IL4R: variants seen among roughly 807,000 people sequenced by gnomAD.
IL4R encodes interleukin-4 receptor subunit alpha.
Under a neutral mutation model 41.5 loss-of-function variants are expected in IL4R, and 17 were observed. The ratio of observed to expected loss-of-function variants is 0.41; its 90% CI spans 0.28 to 0.61. The LOEUF (loss-of-function observed/expected upper bound fraction) is 0.61, where lower values mean the gene tolerates loss of function less well. IL4R is among the 20% of genes least tolerant of loss of function. IL4R has a pLI of 0.31. For synonymous variants in IL4R, 402 were observed against 422.9 expected (o/e 0.95, Z 0.61); for missense variants, 974 against 1,043.1 (o/e 0.93, Z 0.91).
chr16:27,314,152 G>A, intron 1 of IL4R, 132 bp downstream of exon 1: 1 of 902,976 alleles, frequency 1.1e-6, no homozygotes, highest in Non-Finnish European at 1.3e-6. Flanking sequence ...CGGGGCCCGA[G>A]CCCGCGACTC....
chr16:27,319,465 GC>G (rs1286748707), intron 1 of IL4R, among the ~76,000 whole-genome samples: 5 of 152,150 alleles, frequency 3.3e-5, no homozygotes, highest in African/African-American at 1.2e-4. Flanking sequence ...TAAAATCTAT[GC>G]CTGAGTGCTG....
chr16:27,330,396 A>AG (rs925660476), intron 2 of IL4R, among the ~76,000 whole-genome samples, 198 bp downstream of exon 2: 2 of 151,516 alleles, frequency 1.3e-5, no homozygotes, highest in African/African-American at 2.4e-5. Context: ...CAAAAAAAAA[A>AG]AAAAGAAAAG....
chr16:27,355,953 GGGT>G (rs2086059260), intron 8 of IL4R, 46 bp downstream of exon 8: 1 of 1,363,702 alleles, frequency 7.3e-7, no homozygotes, highest in African/African-American at 1.4e-5. Context: ...CTGGAGTGCA[GGGT>G]GGCAGGGACT....
At chr16:27,338,648 TCATGAGGG>T (rs1440561020) in intron 2 of IL4R, among the ~76,000 whole-genome samples, 2 of 152,050 alleles carry the variant, frequency 1.3e-5, no homozygotes, top group Admixed American at 1.3e-4. Context: ...AGTGATTAAG[TCATGAGGG>T]CTCTGTGGTT....
chr16:27,322,218 G>A (rs1319448338), intron 1 of IL4R, among the ~76,000 whole-genome samples: 4 of 151,692 alleles, frequency 2.6e-5, no homozygotes, highest in Non-Finnish European at 5.9e-5. Context: ...TATTTTTGAA[G>A]CTATGTTGTT....
At chr16:27,353,431 G>T (rs1382476687) in intron 7 of IL4R, among the ~76,000 whole-genome samples, 2 of 152,332 alleles carry the variant, frequency 1.3e-5, no homozygotes, top group Non-Finnish European at 1.5e-5. Context: ...TTAATCTAGA[G>T]ATATATGTGC....
intron 3 of IL4R, among the ~76,000 whole-genome samples, chr16:27,341,694 C>T (rs1354674309): frequency 1.3e-5 from 2 of 152,128 alleles, no homozygotes; most frequent in Non-Finnish European, 2.9e-5. Flanking sequence ...GCCTCCTGAG[C>T]ACAGAGAGGG....
chr16:27,337,549 G>A (rs564507244), intron 2 of IL4R, among the ~76,000 whole-genome samples: 99 of 151,886 alleles, frequency 6.5e-4, no homozygotes, highest in African/African-American at 1.9e-3. Context: ...ATAACCCAGC[G>A]CGTGCTGTTT....
At chr16:27,353,641 A>T (rs2085954766) in intron 7 of IL4R, among the ~76,000 whole-genome samples, 2 of 152,028 alleles carry the variant, frequency 1.3e-5, no homozygotes, top group Non-Finnish European at 2.9e-5. Context: ...TTCTTTTTTT[A>T]AAATTGTATT....
chr16:27,363,328 G>A lies in IL4R; in HGVS notation c.1976G>A (p.Arg659Lys). ...PVPLFTFGLDREPPRSPQSSH... is the reference protein window; with the variant it reads ...PVPLFTFGLDKEPPRSPQSSH... The stretch of plus-strand genomic sequence containing the variant: ...CCCTTGTTCACCTTTGGACTGGACA[G>A]GGAGCCACCTCGCAGTCCGCAGAGC... Residue 659 changes from arginine to lysine, a missense_variant, in exon 11 of 11, where the codon AGG (arginine) becomes AAG (lysine). This residue lies in a region of IL4R where 682 missense variants were observed against 704.3 expected (regional missense o/e 0.97). Coordinates refer to ENST00000395762, the MANE Select transcript of IL4R (RefSeq NM_000418.4). 6.2e-7 allele frequency: 1 copy of A among 1,613,572 alleles called. No individual in the cohort carries two copies. Among genetic ancestry groups the A allele is most frequent in the Non-Finnish European group, 8.5e-7 (1 of 1,179,776 alleles).
At chr16:27,348,293 T>C (rs2085733463) in intron 6 of IL4R, among the ~76,000 whole-genome samples, 1 of 151,818 alleles carries the variant, frequency 6.6e-6, no homozygotes, top group African/African-American at 2.4e-5. Context: ...TGCTAGAGAG[T>C]GGGGCAAGTT....
At chr16:27,342,672 T>A (rs1244163094) in intron 4 of IL4R, among the ~76,000 whole-genome samples, 1 of 152,204 alleles carries the variant, frequency 6.6e-6, no homozygotes, top group Non-Finnish European at 1.5e-5. Context: ...ATTTTTTTTC[T>A]TACTGAAATG....
chr16:27,355,676 G>GA, intron 7 of IL4R, 132 bp from the exon 8 acceptor site: 1 of 619,924 alleles, frequency 1.6e-6, no homozygotes, highest in Admixed American at 2.6e-5. Context: ...AGATGAGGTG[G>GA]AGGGGTGGTC....
At chr16:27,317,023 C>T (rs1012255126) in intron 1 of IL4R, among the ~76,000 whole-genome samples, 1 of 152,024 alleles carries the variant, frequency 6.6e-6, no homozygotes, top group Non-Finnish European at 1.5e-5. Context: ...TCCACCTCAG[C>T]CTCCTGAGTA....
At chr16:27,334,780 G>A (rs940024946) in intron 2 of IL4R, among the ~76,000 whole-genome samples, 2 of 152,056 alleles carry the variant, frequency 1.3e-5, no homozygotes, top group South Asian at 2.1e-4. Flanking sequence ...CAAGGAAGAC[G>A]AGTTCAACCT....
rs201977867 is a variant in IL4R at position 27,362,214 on chromosome 16, T to G, written c.900-38T>G. The G allele has an allele frequency of 6.9e-6, 11 of 1,595,064 alleles. No homozygotes were observed. The East Asian group carries it at 2.5e-4, about 36-fold the overall frequency. On this transcript the variant is annotated intron_variant, in intron 10 of 10. Transcript: ENST00000395762. The stretch of plus-strand genomic sequence containing the variant: ...GAAGAATGAATAGGAGTTTTTCAAG[T>G]GTCGAAACTGAACCCTGACCAACCT...
At chr16:27,332,345 G>C (rs538722470) in intron 2 of IL4R, among the ~76,000 whole-genome samples, 9 of 152,140 alleles carry the variant, frequency 5.9e-5, no homozygotes, top group South Asian at 2.1e-4. Flanking sequence ...CCAAGGAAAG[G>C]GGGGGAAAGC....
chr16:27,327,967 T>C (rs529172351), intron 1 of IL4R, among the ~76,000 whole-genome samples: 1 of 152,032 alleles, frequency 6.6e-6, no homozygotes, highest in Non-Finnish European at 1.5e-5. Flanking sequence ...ATCCCAGCAC[T>C]ATGGGAGGCT....
In IL4R at chr16:27,355,824, C is replaced by G. The variant is rs758556524; in HGVS notation, c.687C>G (p.Phe229Leu). 14 of 1,613,078 alleles carry G rather than the reference C, an allele frequency of 8.7e-6. No homozygotes were observed. The highest frequency in any genetic ancestry group is 7.7e-5 in the South Asian group (7 of 91,080). ...CACTTCCAGCCTACAGGGAGCCCTT[C>G]GAGCAGCACCTCCTGCTGGGCGTCA... ...TKWHNSYREP[F>L]EQHLLLGVSV... Residue 229 changes from phenylalanine to leucine, a missense_variant, in exon 8 of 11, where the codon TTC (phenylalanine) becomes TTG (leucine). By Grantham distance (22) the Phe-to-Leu change is conservative. Around this residue, in one of 3 missense-constraint regions of IL4R, gnomAD observed 284 missense variants for 313.4 expected, o/e 0.91. Transcript: ENST00000395762.
Sources: gnomAD v4.1 joint callset for allele counts (sites outside exome capture counted in the v4.1 genomes callset) on GRCh38, gnomAD v4.1.1 for gene constraint, gnomAD v4.1.1 regional missense constraint, MANE v1.5 for transcripts, NCBI Gene and HGNC (gene_info 2026-07-23, HGNC 2026-07-21) for gene names.